Variants in ZNF251 observed in about 807,000 individuals in gnomAD.
ZNF251 encodes the protein zinc finger protein 251.
In ZNF251, 14 loss-of-function variants were observed where a neutral mutation model predicts 13.5. The observed-to-expected ratio is 1.04, with a 90% CI of 0.69 to 1.63. ZNF251 has a LOEUF of 1.63. ZNF251 is among the 40% of genes most tolerant of loss of function. The pLI is 0.00. For missense variants in ZNF251, 764 were observed against 834.9 expected (o/e 0.92, Z 1.05); for synonymous variants, 287 against 295.2 (o/e 0.97, Z 0.28).
intron 3 of ZNF251, 36 bp from the exon 4 acceptor site, chr8:144,753,832 C>A: frequency 1.3e-6 from 2 of 1,487,880 alleles, no homozygotes; most frequent in South Asian, 1.2e-5. Flanking sequence ...GCTGGCATGG[C>A]CCACTGGGCC....
rs371055761 is a variant in ZNF251, at chr8:144,721,683, A to G, written c.1977T>C (p.Phe659=). 5 of 1,350,502 alleles carry G rather than the reference A, an allele frequency of 3.7e-6. No homozygotes were observed. The highest frequency in any genetic ancestry group is 1.5e-5 in the African/African-American group (1 of 68,286). The allele number at this position is 1,350,502 out of a possible 1,614,324, so 83.7% of individuals were successfully genotyped here. A position where few individuals can be genotyped will look rare whatever the true frequency, so the allele number is the denominator to read the frequency against. ...PALNDGSKRY[F]IHIKKIFQER... The stretch of plus-strand genomic sequence containing the variant: ...CTTGGAAAATCTTCTTGATATGAAT[A>G]AAGTATCTTTTAGAGCCATCATTTA... Residue 659 remains phenylalanine, a synonymous_variant, in exon 5 of 5, where the codon TTT becomes TTC. Transcript: ENST00000292562.
At chr8:144,746,651 T>C (rs141395945) in intron 4 of ZNF251, among the ~76,000 whole-genome samples, 90 of 152,332 alleles carry the variant, frequency 5.9e-4, no homozygotes, top group African/African-American at 2.2e-3. Flanking sequence ...ATTGTTGATT[T>C]GACTTATTTA....
rs566941292 is a variant in ZNF251, at chr8:144,736,310, AC to A, written c.278-12929del. Among the ~76,000 whole-genome samples the A allele has an allele frequency of 8.5e-5, 13 of 152,102 alleles. No homozygotes were observed. The South Asian group carries it at 2.7e-3, about 32-fold the overall frequency. On this transcript the variant is annotated intron_variant, in intron 4 of 4. Coordinates refer to ENST00000292562, the MANE Select transcript of ZNF251 (RefSeq NM_138367.2). The stretch of plus-strand genomic sequence containing the variant: ...ACTCTGAGGGGACAATTACCCTTTT[AC>A]TACTCTATTAATTGGGACAAGAAAA...
rs1475309455 is a variant in ZNF251 at position 144,721,861 on chromosome 8, C to G, written c.1799G>C (p.Gly600Ala). Residue 600 changes from glycine to alanine, a missense_variant, in exon 5 of 5, where the codon GGA becomes GCA. By Grantham distance (60) the Gly-to-Ala change is moderately conservative. Coordinates refer to ENST00000292562, the MANE Select transcript of ZNF251 (RefSeq NM_138367.2). The part of the protein sequence containing the change: ...GEKPYKCQEC[G>A]NAFSGKSTLI... ...GGTTGACTTTCCACTGAAGGCGTTT[C>G]CACATTCTTGACATTTATAGGGCTT... The G allele has an allele frequency of 6.7e-7, 1 of 1,500,404 alleles. No homozygotes were observed. Among genetic ancestry groups the G allele is most frequent in the East Asian group, 2.3e-5 (1 of 43,864 alleles). 92.9% of individuals were successfully genotyped at this position (1,500,404 alleles called of 1,614,324 possible). A position where few individuals can be genotyped will look rare whatever the true frequency, so the allele number is the denominator to read the frequency against.
intron 4 of ZNF251, among the ~76,000 whole-genome samples, chr8:144,743,599 T>C (rs1824272240): frequency 6.6e-6 from 1 of 152,230 alleles, no homozygotes; most frequent in Admixed American, 6.5e-5. Context: ...AACTGCTGGA[T>C]CACATGGTAA....
Position 144,722,321 on chromosome 8 carries a change from T to C in ZNF251, c.1339A>G (p.Thr447Ala), listed in dbSNP as rs757809995. The C allele has an allele frequency of 2.5e-6, 4 of 1,613,272 alleles. No individual in the cohort carries two copies. Among genetic ancestry groups the C allele is most frequent in the South Asian group, 2.2e-5 (2 of 91,058 alleles). ...TGAACTCTTCGATGCTGAACAAGAG[T>C]GGAACTCCGACGAAAGGCTTTGCCG... Reference protein sequence around the residue: ...ECGKAFRRSSTLVQHRRVHTG... With the variant: ...ECGKAFRRSSALVQHRRVHTG... Residue 447 changes from threonine (T) to alanine (A), a missense_variant, in exon 5 of 5, where the codon ACT becomes GCT. Coordinates refer to ENST00000292562, the MANE Select transcript of ZNF251 (RefSeq NM_138367.2). This position sits in a 1 kb window ranked among gnomAD's most constrained non-coding sequence, Gnocchi z 4.8.
intron 4 of ZNF251, among the ~76,000 whole-genome samples, chr8:144,743,214 C>G (rs957086045): frequency 6.6e-6 from 1 of 152,196 alleles, no homozygotes. Context: ...CAGGCACCAA[C>G]CACCATGCCT....
At chr8:144,724,764 T>G (rs962519647) in intron 4 of ZNF251, among the ~76,000 whole-genome samples, 1 of 152,184 alleles carries the variant, frequency 6.6e-6, no homozygotes, top group Non-Finnish European at 1.5e-5. Context: ...GAAAGATATA[T>G]AATTAAATGA....
chr8:144,732,622 C>G (rs192572299), intron 4 of ZNF251, among the ~76,000 whole-genome samples: 3 of 151,230 alleles, frequency 2.0e-5, no homozygotes, highest in African/African-American at 7.3e-5. Flanking sequence ...ACCATCCTGG[C>G]CAACACGGTG....
intron 1 of ZNF251, 134 bp downstream of exon 1, chr8:144,755,271 G>A: frequency 1.7e-6 from 2 of 1,194,408 alleles, no homozygotes; most frequent in East Asian, 7.2e-5. Context: ...CCCGGCCTCT[G>A]CAGCCCGTCG....
intron 4 of ZNF251, among the ~76,000 whole-genome samples, chr8:144,744,009 C>CTTTTTTT (rs1168495446): frequency 1.0e-4 from 9 of 88,822 alleles, no homozygotes; most frequent in Non-Finnish European, 1.3e-4. Flanking sequence ...CTCTCGTTGT[C>CTTTTTTT]TTTTTTTTTT....
At chr8:144,729,631 C>T (rs1204169179) in intron 4 of ZNF251, among the ~76,000 whole-genome samples, 9 of 152,080 alleles carry the variant, frequency 5.9e-5, no homozygotes, top group African/African-American at 1.9e-4. Flanking sequence ...CTACCGCACC[C>T]GGCCTAAGAT....
chr8:144,742,595 C>T (rs893971849), intron 4 of ZNF251, among the ~76,000 whole-genome samples: 4 of 151,866 alleles, frequency 2.6e-5, no homozygotes, highest in Non-Finnish European at 4.4e-5. Context: ...CGTGGTGCCG[C>T]GTGATCTATG....
intron 4 of ZNF251, among the ~76,000 whole-genome samples, chr8:144,745,798 C>A (rs1824399662): frequency 6.6e-6 from 1 of 152,080 alleles, no homozygotes; most frequent in Admixed American, 6.6e-5. Flanking sequence ...ATCCTCCTGC[C>A]TTAGCCTCCC....
In ZNF251 at chr8:144,753,926, G is replaced by A. The variant is rs547787551; in HGVS notation, c.164-130C>T. 533 of 790,266 alleles carry A rather than the reference G, an allele frequency of 6.7e-4. 5 individuals carry two copies. In the African/African-American group the frequency reaches 8.2e-3, roughly 12 times the overall value. The allele number at this position is 790,266 out of a possible 1,614,324, so 49.0% of individuals were successfully genotyped here. Reference sequence around the variant, plus strand: ...GTTGGTCAGGGGGCCCGTGGGCTGAGACTAAGTACTGAAGGAGAATCCACT... The same window carrying A: ...GTTGGTCAGGGGGCCCGTGGGCTGAAACTAAGTACTGAAGGAGAATCCACT... On this transcript the variant is annotated intron_variant, in intron 3 of 4. Coordinates refer to ENST00000292562, the MANE Select transcript of ZNF251 (RefSeq NM_138367.2).
intron 4 of ZNF251, among the ~76,000 whole-genome samples, chr8:144,743,301 T>C (rs1377715122): frequency 6.6e-6 from 1 of 152,168 alleles, no homozygotes; most frequent in East Asian, 1.9e-4. Context: ...TGACCTCAAG[T>C]GATCCACCCG....
chr8:144,742,515 A>T (rs1362722929), intron 4 of ZNF251, among the ~76,000 whole-genome samples: 1 of 150,776 alleles, frequency 6.6e-6, no homozygotes, highest in Non-Finnish European at 1.5e-5. Flanking sequence ...CAACAGTGAT[A>T]ACAGCGTCAC....
intron 4 of ZNF251, among the ~76,000 whole-genome samples, chr8:144,750,853 T>TG: frequency 6.6e-6 from 1 of 151,640 alleles, no homozygotes; most frequent in Non-Finnish European, 1.5e-5. Flanking sequence ...AGAGTTTTTT[T>TG]TTTTTCTTTT....
At chr8:144,731,875 A>C (rs1370801954) in intron 4 of ZNF251, among the ~76,000 whole-genome samples, 1 of 151,776 alleles carries the variant, frequency 6.6e-6, no homozygotes, top group Non-Finnish European at 1.5e-5. Flanking sequence ...GACATGAGTC[A>C]CCATGCCCGG....
Sources: allele counts gnomAD v4.1 joint callset (sites outside exome capture counted in the v4.1 genomes callset), GRCh38; gene constraint gnomAD v4.1.1; non-coding constraint Gnocchi (gnomAD v3.1); transcripts MANE v1.5; gene names NCBI Gene and HGNC (gene_info 2026-07-23, HGNC 2026-07-21).